The following ZNF451 variants were observed in gnomAD, a reference collection of about 807,000 sequenced individuals.
ZNF451 encodes the protein E3 SUMO-protein ligase ZNF451.
ZNF451 carries 80 observed loss-of-function variants against 107.1 expected under a neutral mutation model. The ratio of observed to expected loss-of-function variants is 0.75; its 90% CI spans 0.62 to 0.90. ZNF451 has a LOEUF of 0.90. Among genes scored for constraint, ZNF451 ranks in the 40% least tolerant of loss-of-function variants. ZNF451 has a pLI of 0.00. For missense variants in ZNF451, 1,107 were observed against 1,236.2 expected, an observed-to-expected ratio of 0.90 and a Z score of 1.57; for synonymous variants, 362 against 406.5, an observed-to-expected ratio of 0.89 and a Z score of 1.32.
In ZNF451 at chr6:57,170,141, T is replaced by C. The variant is rs929985063; in HGVS notation, c.*1672T>C. 3 of 152,270 alleles carry C rather than the reference T, an allele frequency of 2.0e-5. No homozygotes were observed. Among genetic ancestry groups the C allele is most frequent in the Non-Finnish European group, 4.4e-5 (3 of 68,048 alleles). 9.4% of individuals were successfully genotyped at this position (152,270 alleles called of 1,614,324 possible). On this transcript the variant is annotated 3_prime_UTR_variant, in exon 15 of 15. Coordinates refer to ENST00000370706, the MANE Select transcript of ZNF451 (RefSeq NM_001031623.3). Reference sequence around the variant, plus strand: ...GTAACTGGGTTGTTTAATGTTTTAATTGATAATTGTCACTGATCGTATTTC... The same window carrying C: ...GTAACTGGGTTGTTTAATGTTTTAACTGATAATTGTCACTGATCGTATTTC...
chr6:57,155,873 T>C (rs1763399521), intron 13 of ZNF451, among the ~76,000 whole-genome samples: 1 of 147,930 alleles, frequency 6.8e-6, no homozygotes, highest in African/African-American at 2.5e-5. Flanking sequence ...TTGAACTAAC[T>C]ACTCTCTGGA....
At chr6:57,135,114 G>A (rs527523842) in intron 7 of ZNF451, among the ~76,000 whole-genome samples, 1 of 152,236 alleles carries the variant, frequency 6.6e-6, no homozygotes, top group African/African-American at 2.4e-5. Context: ...GTTGCTCTAT[G>A]AAATTAAATT....
intron 10 of ZNF451, 106 bp downstream of exon 10, chr6:57,148,799 G>T: frequency 9.5e-7 from 1 of 1,055,594 alleles, no homozygotes; most frequent in East Asian, 2.5e-5. Flanking sequence ...CTTCTTGATG[G>T]TATGTTAATT....
At chr6:57,113,788 A>AT (rs537226682) in intron 3 of ZNF451, among the ~76,000 whole-genome samples, 1 of 151,722 alleles carries the variant, frequency 6.6e-6, no homozygotes, top group Admixed American at 6.6e-5. Flanking sequence ...CACCCGGCTG[A>AT]TTTTTTGTAT....
chr6:57,166,338 TA>T (rs1191094794), intron 14 of ZNF451, among the ~76,000 whole-genome samples: 1 of 152,200 alleles, frequency 6.6e-6, no homozygotes, highest in Non-Finnish European at 1.5e-5. Flanking sequence ...ATACTACATT[TA>T]AAAAAATTTT....
chr6:57,107,361 A>G, intron 3 of ZNF451: 1 of 984,500 alleles, frequency 1.0e-6, no homozygotes, highest in African/African-American at 1.7e-5. Flanking sequence ...TCTTTAAAGC[A>G]TTATTAGAAG....
intron 3 of ZNF451, chr6:57,106,687 A>C: frequency 2.0e-6 from 2 of 983,428 alleles, no homozygotes; most frequent in Non-Finnish European, 2.4e-6. Context: ...TGTCTTTTGG[A>C]ATCTATCATT....
chr6:57,143,663 CAT>C (rs1831903640), intron 9 of ZNF451, among the ~76,000 whole-genome samples: 1 of 151,962 alleles, frequency 6.6e-6, no homozygotes, highest in African/African-American at 2.4e-5. Flanking sequence ...CTCATTTAAC[CAT>C]AGAGTTACCA....
intron 3 of ZNF451, among the ~76,000 whole-genome samples, chr6:57,117,876 ATCAAT>A (rs1306910263): frequency 6.6e-6 from 1 of 152,204 alleles, no homozygotes; most frequent in Non-Finnish European, 1.5e-5. Context: ...TAGTGGAAAC[ATCAAT>A]TCAAGGATAG....
chr6:57,095,152 TG>T (rs1398426863), intron 2 of ZNF451, among the ~76,000 whole-genome samples: 2 of 152,192 alleles, frequency 1.3e-5, no homozygotes, highest in Admixed American at 1.3e-4. Flanking sequence ...TCTTTTCCTT[TG>T]GGGTACATGT....
At chr6:57,152,402 A>G (rs1593164724) in intron 12 of ZNF451, 51 bp downstream of exon 12, 1 of 1,605,916 alleles carries the variant, frequency 6.2e-7, no homozygotes, top group Non-Finnish European at 8.5e-7. Context: ...ACCCACTTGC[A>G]TTTTTTTCCC....
chr6:57,108,061 A>G (rs1195526886), intron 3 of ZNF451: 2 of 723,926 alleles, frequency 2.8e-6, no homozygotes, highest in Admixed American at 6.3e-5. Flanking sequence ...GGTGGTCTCA[A>G]TCTCCTGAAC....
At chr6:57,146,234 CTGTT>C in intron 9 of ZNF451, among the ~76,000 whole-genome samples, 1 of 152,184 alleles carries the variant, frequency 6.6e-6, no homozygotes, top group Middle Eastern at 3.4e-3. Context: ...TGTAAGTTGT[CTGTT>C]TATTCTCTTG....
At position 57,148,373 on chromosome 6, in the gene ZNF451, A is replaced by G. The variant is rs573417881; in HGVS notation, c.2288A>G (p.Gln763Arg). The G allele has an allele frequency of 1.1e-5, 18 of 1,614,006 alleles. No individual in the cohort carries two copies. Among genetic ancestry groups the G allele is most frequent in the Non-Finnish European group, 1.5e-5 (18 of 1,179,922 alleles). ...FRCSLCSATA[Q>R]NLTDMNTHIH... ...TGCAGTTTATGTTCGGCAACAGCAC[A>G]GAATTTAACCGACATGAACACTCAT... Residue 763 changes from glutamine to arginine, a missense_variant, in exon 10 of 15, where the codon CAG becomes CGG. By Grantham distance (43) the Gln-to-Arg change is conservative (BLOSUM62 1). Coordinates refer to ENST00000370706, the MANE Select transcript of ZNF451 (RefSeq NM_001031623.3).
intron 3 of ZNF451, 186 bp downstream of exon 3, chr6:57,099,327 TG>T (rs1829475362): frequency 1.6e-6 from 1 of 641,340 alleles, no homozygotes; most frequent in Admixed American, 2.7e-5. Flanking sequence ...TCCTCTACTT[TG>T]AATGAGATTA....
intron 13 of ZNF451, 172 bp downstream of exon 13, chr6:57,154,219 G>A (rs1763289226): frequency 1.5e-6 from 1 of 661,628 alleles, no homozygotes; most frequent in Non-Finnish European, 2.5e-6. Context: ...TCATTCTTTA[G>A]TGTTTTAGAA....
In ZNF451 at chr6:57,160,638, A is replaced by G. The variant is rs118048134; in HGVS notation, c.3071-446A>G. ...GTGTGAACAACCACGCCTGGCCTCA[A>G]TATCCTTTTTCTACCCCAGGACCTC... On this transcript the variant is annotated intron_variant, in intron 13 of 14. Coordinates refer to ENST00000370706, the MANE Select transcript of ZNF451 (RefSeq NM_001031623.3). 1.6e-4 allele frequency among the ~76,000 whole-genome samples: 25 copies of G among 152,206 alleles called. No individual in the cohort carries two copies. The East Asian group carries it at 4.1e-3, about 25-fold the overall frequency.
Position 57,161,122 on chromosome 6 carries a change from T to A in ZNF451, c.3109T>A (p.Ser1037Thr), listed in dbSNP as rs1275544612. 1 of 1,552,748 alleles carries A rather than the reference T, an allele frequency of 6.4e-7. No homozygotes were observed. Among genetic ancestry groups the A allele is most frequent in the African/African-American group, 1.4e-5 (1 of 71,788 alleles). ...TGATAACATGGGTGCCAAAAATACT[T>A]CAATAGGAGAAGAATTTATATCCAC... ...SDDNMGAKNTSIGEEFISTED... is the reference protein window; with the variant it reads ...SDDNMGAKNTTIGEEFISTED... The change falls in exon 14 of 15, where the codon TCA (serine) becomes ACA (threonine). Residue 1037 changes from serine (S) to threonine (T), a missense_variant. Physicochemically the swap from Ser to Thr is moderately conservative, Grantham distance 58. This residue lies in a region of ZNF451 where 151 missense variants were observed against 173.3 expected (regional missense o/e 0.87). Transcript: ENST00000370706.
chr6:57,101,838 C>A (rs1829612184), intron 3 of ZNF451: 4 of 1,550,590 alleles, frequency 2.6e-6, no homozygotes, highest in East Asian at 2.4e-5. Context: ...AGGAGAAGAT[C>A]TCCCACTTGC....
Sources: gnomAD v4.1 joint callset for allele counts (sites outside exome capture counted in the v4.1 genomes callset) on GRCh38, gnomAD v4.1.1 for gene constraint, gnomAD v4.1.1 regional missense constraint, MANE v1.5 for transcripts, NCBI Gene and HGNC (gene_info 2026-07-23, HGNC 2026-07-21) for gene names.